SAMD5: variants seen among roughly 807,000 people sequenced by gnomAD.
SAMD5 encodes the protein sterile alpha motif domain-containing protein 5.
In SAMD5, 13 loss-of-function variants were observed where a neutral mutation model predicts 11.3. The observed-to-expected ratio is 1.15, with a 90% CI of 0.75 to 1.83. The LOEUF (loss-of-function observed/expected upper bound fraction) is 1.83, where lower values mean the gene tolerates loss of function less well. Ranked by LOEUF, SAMD5 falls within the 40% of genes most tolerant of loss-of-function variation. SAMD5 has a pLI of 0.00. For missense variants in SAMD5, 255 were observed against 239.1 expected (o/e 1.07, Z -0.44); for synonymous variants, 129 against 111.3 (o/e 1.16, Z -1.00).
At chr6:147,827,317 GA>G in the SAMD5 span, among the ~76,000 whole-genome samples, 3 of 149,306 alleles carry the variant, frequency 2.0e-5, no homozygotes, top group Admixed American at 6.7e-5. Context: ...AGGAAGGAAG[GA>G]AAAAAAGGAA....
Position 147,612,032 on chromosome 6 carries a change from T to G in SAMD5, c.162+102645T>G, listed in dbSNP as rs112577540. On this transcript the variant is annotated intron_variant, in intron 1 of 1. Coordinates refer to the SAMD5 transcript ENST00000566741. ...TCTGCTTTCCTATATATGCCTTTAG[T>G]CATCTATGACTATTACCAATTGTTT... 5.7e-3 allele frequency among the ~76,000 whole-genome samples: 868 copies of G among 152,324 alleles called. 9 individuals carry two copies. Among genetic ancestry groups the G allele is most frequent in the African/African-American group, 0.02 (845 of 41,576 alleles).
chr6:147,858,133 T>C, the SAMD5 span, among the ~76,000 whole-genome samples: 2 of 152,092 alleles, frequency 1.3e-5, no homozygotes, highest in African/African-American at 4.8e-5. Flanking sequence ...TGTAATCAAG[T>C]TTTGGAGGGG....
At chr6:147,574,764 C>T (rs968349971), downstream of SAMD5, among the ~76,000 whole-genome samples, 2 of 152,078 alleles carry the variant, frequency 1.3e-5, no homozygotes, top group African/African-American at 4.8e-5. Context: ...TTTTGTGAAG[C>T]CTCTTTTATG....
chr6:147,541,692 A>T (rs893542958), intron 1 of SAMD5, among the ~76,000 whole-genome samples: 5 of 152,192 alleles, frequency 3.3e-5, no homozygotes, highest in Non-Finnish European at 4.4e-5. Flanking sequence ...ATATACAAAC[A>T]CACACAAAGA....
intron 1 of SAMD5, among the ~76,000 whole-genome samples, chr6:147,617,997 C>G (rs1405205042): frequency 6.6e-6 from 1 of 152,094 alleles, no homozygotes; most frequent in Non-Finnish European, 1.5e-5. Context: ...TATTGAGTGC[C>G]TAATAAGAAT....
Position 147,515,447 on chromosome 6 carries a change from T to A in SAMD5, c.459+6060T>A, listed in dbSNP as rs955209044. On this transcript the variant is annotated intron_variant, in intron 1 of 1. Transcript: ENST00000367474. ...TTCCATCCAACCATCCATCCATCCA[T>A]CCATCCATCCATCCATCCATCCATC... Among the ~76,000 whole-genome samples the A allele has an allele frequency of 6.0e-5, 9 of 148,874 alleles. No individual in the cohort carries two copies. In the South Asian group the frequency reaches 6.3e-4, roughly 10 times the overall value.
chr6:147,811,406 C>T, the SAMD5 span, among the ~76,000 whole-genome samples: 1,188 of 152,320 alleles, frequency 7.8e-3, 18 homozygotes, highest in Middle Eastern at 0.041. Context: ...GTTCTGAGGT[C>T]ACATCATTAC....
intron 1 of SAMD5, among the ~76,000 whole-genome samples, chr6:147,526,031 T>A (rs1226426473): frequency 6.6e-6 from 1 of 152,080 alleles, no homozygotes; most frequent in Non-Finnish European, 1.5e-5. Context: ...TTCATCAGTG[T>A]CACCTACAAC....
At chr6:147,522,787 A>G (rs766136375) in intron 1 of SAMD5, among the ~76,000 whole-genome samples, 6 of 152,216 alleles carry the variant, frequency 3.9e-5, no homozygotes, top group Non-Finnish European at 7.3e-5. Context: ...CTAGACAGGT[A>G]CATGAGGCAG....
the SAMD5 span, among the ~76,000 whole-genome samples, chr6:147,869,959 T>A: frequency 6.6e-6 from 1 of 152,090 alleles, no homozygotes; most frequent in Non-Finnish European, 1.5e-5. Flanking sequence ...CAAGTGATCC[T>A]CCCACCTCAG....
At chr6:147,691,709 C>A (rs1791105963) in intron 1 of SAMD5, among the ~76,000 whole-genome samples, 1 of 152,086 alleles carries the variant, frequency 6.6e-6, no homozygotes, top group Admixed American at 6.5e-5. Flanking sequence ...TCAATCTTGA[C>A]CCCAGATGAT....
At chr6:147,910,658 A>G in the SAMD5 span, among the ~76,000 whole-genome samples, 1 of 152,172 alleles carries the variant, frequency 6.6e-6, no homozygotes, top group Admixed American at 6.5e-5. Flanking sequence ...ATTATCTGGA[A>G]TCTTTCAGAC....
At chr6:147,723,607 G>A (rs1791585223) in intron 1 of SAMD5, among the ~76,000 whole-genome samples, 1 of 151,656 alleles carries the variant, frequency 6.6e-6, no homozygotes, top group Non-Finnish European at 1.5e-5. Flanking sequence ...TTGCAGGTGT[G>A]TGTGAATCCT....
the SAMD5 span, among the ~76,000 whole-genome samples, chr6:147,925,142 G>A: frequency 6.6e-6 from 1 of 152,186 alleles, no homozygotes; most frequent in Non-Finnish European, 1.5e-5. Flanking sequence ...ATTAGGAGAT[G>A]GGGCCTTTGG....
chr6:147,853,028 G>A, the SAMD5 span, among the ~76,000 whole-genome samples: 5 of 152,164 alleles, frequency 3.3e-5, no homozygotes, highest in Admixed American at 3.3e-4. Context: ...AATCAGTAAG[G>A]CAGAAAACAA....
intron 1 of SAMD5, among the ~76,000 whole-genome samples, chr6:147,703,146 C>T (rs1179574672): frequency 2.0e-5 from 3 of 152,168 alleles, no homozygotes; most frequent in Non-Finnish European, 2.9e-5. Context: ...CGGCTCACTG[C>T]AACCTCTGCC....
the SAMD5 span, among the ~76,000 whole-genome samples, chr6:147,775,840 C>T: frequency 6.6e-6 from 1 of 152,194 alleles, no homozygotes; most frequent in Admixed American, 6.5e-5. Context: ...GTCAAGTTAC[C>T]TAACCTCTCT....
At chr6:147,793,486 T>A in the SAMD5 span, among the ~76,000 whole-genome samples, 3 of 152,190 alleles carry the variant, frequency 2.0e-5, no homozygotes, top group African/African-American at 7.2e-5. Flanking sequence ...GAATAAAGTA[T>A]AGACTTTAGT....
the SAMD5 span, among the ~76,000 whole-genome samples, chr6:147,790,752 CTCTT>C: frequency 3.1e-4 from 22 of 71,042 alleles, no homozygotes; most frequent in African/African-American, 1.7e-3. Flanking sequence ...CTCTCTCTCT[CTCTT>C]TCTCTCTCTC....
Sources: gnomAD v4.1 joint callset for allele counts (sites outside exome capture counted in the v4.1 genomes callset) on GRCh38, gnomAD v4.1.1 for gene constraint, MANE v1.5 for transcripts, NCBI Gene and HGNC (gene_info 2026-07-23, HGNC 2026-07-21) for gene names.